The following IGLON5 variants were observed in gnomAD, a reference collection of about 807,000 sequenced individuals.
IGLON5 encodes the protein Ig-like domain-containing protein ENSP00000270642.
Under a neutral mutation model 38.2 loss-of-function variants are expected in IGLON5, and 16 were observed. That is an observed-to-expected ratio of 0.42 (90% CI 0.28 to 0.64). The LOEUF (loss-of-function observed/expected upper bound fraction) is 0.64. IGLON5 is among the 30% of genes least tolerant of loss of function. The probability of loss-of-function intolerance (pLI) is 0.23; values close to 1 mark genes in which losing one functional copy is unlikely to be tolerated. For synonymous variants in IGLON5, 207 were observed against 216.4 expected (o/e 0.96, Z 0.38); for missense variants, 366 against 483.4 (o/e 0.76, Z 2.28).
rs1985180218 is a variant in IGLON5, at chr19:51,325,151, T to C, written c.392-195T>C. Among the ~76,000 whole-genome samples the C allele has an allele frequency of 6.7e-6, 1 of 150,204 alleles. No individual in the cohort carries two copies. Among genetic ancestry groups the C allele is most frequent in the Non-Finnish European group, 1.5e-5 (1 of 67,704 alleles). ...TCTGAGGGAGAAGGGGCTGGGGTAC[T>C]GGACTCTTGGGTCTGAGGGAAGAGG... On this transcript the variant is annotated intron_variant, in intron 3 of 7. Coordinates refer to ENST00000270642, the MANE Select transcript of IGLON5 (RefSeq NM_001101372.3). The surrounding 1 kb of genome is among the most constrained non-coding windows in gnomAD (Gnocchi z 5.5).
In IGLON5 at chr19:51,329,110, C is replaced by A. The variant is rs1367351138; in HGVS notation, c.*351C>A. 8.1e-6 allele frequency: 1 copy of A among 122,936 alleles called. No individual in the cohort carries two copies. Among genetic ancestry groups the A allele is most frequent in the Non-Finnish European group, 1.6e-5 (1 of 62,514 alleles). 7.6% of individuals were successfully genotyped at this position (122,936 alleles called of 1,614,324 possible). A position where few individuals can be genotyped will look rare whatever the true frequency, so the allele number is the denominator to read the frequency against. ...TGAGCCTGCATGCATGTGTAGGTGT[C>A]TGTGTCTCTGTTTGTGTGTGTGTGG... On this transcript the variant is annotated 3_prime_UTR_variant, in exon 8 of 8. Transcript: ENST00000270642. The surrounding 1 kb of genome is among the most constrained non-coding windows in gnomAD (Gnocchi z 4.3).
intron 1 of IGLON5, among the ~76,000 whole-genome samples, chr19:51,317,404 T>C (rs1182696325): frequency 1.3e-5 from 2 of 152,168 alleles, no homozygotes; most frequent in Non-Finnish European, 1.5e-5. Context: ...GAGGAAGGCA[T>C]GATTATCATT....
At chr19:51,322,436 G>GA (rs1291420469) in intron 2 of IGLON5, among the ~76,000 whole-genome samples, 1 of 147,504 alleles carries the variant, frequency 6.8e-6, no homozygotes, top group African/African-American at 2.7e-5. Flanking sequence ...CCAGAGAGAA[G>GA]GGGACAGAGA....
rs757776131 is a variant in IGLON5 at position 51,323,782 on chromosome 19, G to A, written c.279G>A (p.Glu93=). The A allele has an allele frequency of 1.2e-6, 2 of 1,613,816 alleles. No homozygotes were observed. The highest frequency in any genetic ancestry group is 1.7e-6 in the Non-Finnish European group (2 of 1,179,888). Residue 93 remains glutamate (E), a synonymous_variant, in exon 3 of 8, where the codon GAG becomes GAA. Coordinates refer to ENST00000270642, the MANE Select transcript of IGLON5 (RefSeq NM_001101372.3). ...PRVRLLINTP[E]EFSILITEVG... ...TGCGGCTGCTCATCAACACCCCCGA[G>A]GAGTTCTCCATCCTCATCACCGAGG...
At chr19:51,321,833 G>C (rs929328995) in intron 1 of IGLON5, among the ~76,000 whole-genome samples, 1 of 152,260 alleles carries the variant, frequency 6.6e-6, no homozygotes, top group Non-Finnish European at 1.5e-5. Context: ...TGCTGTGATT[G>C]TGTCTGCTGT....
At position 51,330,604 on chromosome 19, in the gene IGLON5, A is replaced by G. The variant is rs1339749391; in HGVS notation, c.*1845A>G. Among the ~76,000 whole-genome samples, 1 of 152,158 alleles carries G rather than the reference A, an allele frequency of 6.6e-6. No individual in the cohort carries two copies. The highest frequency in any genetic ancestry group is 1.5e-5 in the Non-Finnish European group (1 of 68,004). On this transcript the variant is annotated 3_prime_UTR_variant, in exon 8 of 8. Coordinates refer to ENST00000270642, the MANE Select transcript of IGLON5 (RefSeq NM_001101372.3). ...CTAATGAGAAAGTGAATGGATTCCC[A>G]AGAAGAGATGCTTTTCTGCTGGATA...
At chr19:51,315,649 G>A in intron 1 of IGLON5, among the ~76,000 whole-genome samples, 1 of 151,578 alleles carries the variant, frequency 6.6e-6, no homozygotes, top group Middle Eastern at 3.2e-3. Context: ...CTGAGCAGGG[G>A]AGAGTGGAGT....
chr19:51,317,724 C>T (rs377612109), intron 1 of IGLON5, among the ~76,000 whole-genome samples: 3 of 152,182 alleles, frequency 2.0e-5, no homozygotes, highest in African/African-American at 4.8e-5. Context: ...TGTTAGGAAC[C>T]GCTAGCATTT....
chr19:51,326,210 A>G (rs1257505641), intron 4 of IGLON5, among the ~76,000 whole-genome samples: 3 of 151,984 alleles, frequency 2.0e-5, no homozygotes, highest in African/African-American at 2.4e-5. Flanking sequence ...CCACTGGGTC[A>G]TCTGAGCCCC....
chr19:51,327,692 TG>T lies in IGLON5; in HGVS notation c.768-37del. The stretch of plus-strand genomic sequence containing the variant: ...CTGAGAGTCGGGGGGCTGGCCTGGC[TG>T]GGCGCTGCGGCCCGGCCCCTGACCC... On this transcript the variant is annotated intron_variant, in intron 6 of 7. Coordinates refer to ENST00000270642, the MANE Select transcript of IGLON5 (RefSeq NM_001101372.3). This position sits in a 1 kb window ranked among gnomAD's most constrained non-coding sequence, Gnocchi z 7.1. 1.3e-6 allele frequency: 2 copies of T among 1,543,438 alleles called. No homozygotes were observed. The highest frequency in any genetic ancestry group is 1.7e-6 in the Non-Finnish European group (2 of 1,150,252).
Position 51,324,517 on chromosome 19 carries a change from A to C in IGLON5, c.391+623A>C, listed in dbSNP as rs554324290. ...CAGGACCTGGAGACAGAGAGAATCCAGGGGGATCCTGGCAAGCTCCAACTC... is the reference window on the plus strand; with the variant it reads ...CAGGACCTGGAGACAGAGAGAATCCCGGGGGATCCTGGCAAGCTCCAACTC... On this transcript the variant is annotated intron_variant, in intron 3 of 7. Coordinates refer to ENST00000270642, the MANE Select transcript of IGLON5 (RefSeq NM_001101372.3). This position sits in a 1 kb window ranked among gnomAD's most constrained non-coding sequence, Gnocchi z 4.2. Among the ~76,000 whole-genome samples the C allele has an allele frequency of 4.4e-4, 67 of 152,164 alleles. No homozygotes were observed. Among genetic ancestry groups the C allele is most frequent in the South Asian group, 1.4e-3 (7 of 4,828 alleles).
At position 51,324,928 on chromosome 19, in the gene IGLON5, C is replaced by T. The variant is rs929031416; in HGVS notation, c.392-418C>T. On this transcript the variant is annotated intron_variant, in intron 3 of 7. Transcript: ENST00000270642. This position sits in a 1 kb window ranked among gnomAD's most constrained non-coding sequence, Gnocchi z 4.2. ...AATAGCATCTGTTACACAGAAAGTC[C>T]CATGTGGGTATTTGTTAAATAAATT... 2.6e-5 allele frequency among the ~76,000 whole-genome samples: 4 copies of T among 151,390 alleles called. No homozygotes were observed. Among genetic ancestry groups the T allele is most frequent in the Non-Finnish European group, 5.9e-5 (4 of 67,912 alleles).
chr19:51,312,017 AT>A, intron 1 of IGLON5, 91 bp downstream of exon 1: 1 of 664,810 alleles, frequency 1.5e-6, no homozygotes, highest in Non-Finnish European at 2.1e-6. Context: ...CGAGGGCTGC[AT>A]CCCTGGGCCG....
At chr19:51,316,596 C>T (rs1027632306) in intron 1 of IGLON5, among the ~76,000 whole-genome samples, 5 of 150,878 alleles carry the variant, frequency 3.3e-5, no homozygotes, top group Non-Finnish European at 7.4e-5. Context: ...TGGGTTCAAG[C>T]AATTCTCCTG....
intron 1 of IGLON5, among the ~76,000 whole-genome samples, chr19:51,321,688 CTGTA>C (rs1260558044): frequency 6.6e-6 from 1 of 152,108 alleles, no homozygotes; most frequent in Non-Finnish European, 1.5e-5. Context: ...CTGTGTGTAT[CTGTA>C]TGTGTGTGTT....
chr19:51,321,530 C>G (rs535037462), intron 1 of IGLON5, among the ~76,000 whole-genome samples: 1 of 152,196 alleles, frequency 6.6e-6, no homozygotes, highest in East Asian at 1.9e-4. Flanking sequence ...TCGCTGTACT[C>G]TGTATCTGTG....
At position 51,325,419 on chromosome 19, in the gene IGLON5, G is replaced by A. The variant is rs1214189541; in HGVS notation, c.465G>A (p.Leu155=). ...NEGGNVNLLC[L]AVGRPEPTVT... is the part of the protein sequence containing the mutation. ...GGGGCAATGTGAACCTGCTTTGCCT[G>A]GCCGTGGGGCGGCCAGAGCCCACGG... Residue 155 remains leucine, a synonymous_variant, in exon 4 of 8, where the codon CTG becomes CTA. Transcript: ENST00000270642. The surrounding 1 kb of genome is among the most constrained non-coding windows in gnomAD (Gnocchi z 5.5). 1 of 1,613,792 alleles carries A rather than the reference G, an allele frequency of 6.2e-7. No homozygotes were observed. The highest frequency in any genetic ancestry group is 1.1e-5 in the South Asian group (1 of 91,078).
At position 51,325,287 on chromosome 19, in the gene IGLON5, G is replaced by T; in HGVS notation, c.392-59G>T. 1 of 1,583,798 alleles carries T rather than the reference G, an allele frequency of 6.3e-7. No homozygotes were observed. Among genetic ancestry groups the T allele is most frequent in the South Asian group, 1.1e-5 (1 of 87,130 alleles). On this transcript the variant is annotated intron_variant, in intron 3 of 7. Coordinates refer to ENST00000270642, the MANE Select transcript of IGLON5 (RefSeq NM_001101372.3). The surrounding 1 kb of genome is among the most constrained non-coding windows in gnomAD (Gnocchi z 5.5). ...GTCTGGACTCCTGGGTCTGAAGGAGGAAGGGCTGGGGGCCTGGATTCCTGG... is the reference window on the plus strand; with the variant it reads ...GTCTGGACTCCTGGGTCTGAAGGAGTAAGGGCTGGGGGCCTGGATTCCTGG...
At chr19:51,313,643 CTCTT>C (rs1477578511) in intron 1 of IGLON5, among the ~76,000 whole-genome samples, 12 of 96,342 alleles carry the variant, frequency 1.2e-4, no homozygotes, top group African/African-American at 6.5e-4. Context: ...CTCTCTCTCT[CTCTT>C]TTTCTTTCTT....
Sources: gnomAD v4.1 joint callset for allele counts (sites outside exome capture counted in the v4.1 genomes callset) on GRCh38, gnomAD v4.1.1 for gene constraint, Gnocchi (gnomAD v3.1) non-coding constraint, MANE v1.5 for transcripts, NCBI Gene and HGNC (gene_info 2026-07-23, HGNC 2026-07-21) for gene names.